Variants in NINL observed in about 807,000 individuals in gnomAD.
The protein encoded by NINL is ninein like.
In NINL, 153 loss-of-function variants were observed where a neutral mutation model predicts 160.3. The observed-to-expected ratio is 0.95, with a 90% CI of 0.84 to 1.09. The LOEUF (loss-of-function observed/expected upper bound fraction) is 1.09. NINL is among the 50% of genes least tolerant of loss of function. The probability of loss-of-function intolerance (pLI) is 0.00; values close to 1 mark genes in which losing one functional copy is unlikely to be tolerated. For synonymous variants in NINL, 800 were observed against 734.8 expected (o/e 1.09, Z -1.43); for missense variants, 1,829 against 1,764.0 (o/e 1.04, Z -0.66).
At chr20:25,564,805 T>TAAA (rs11411276) in intron 1 of NINL, among the ~76,000 whole-genome samples, 2 of 142,768 alleles carry the variant, frequency 1.4e-5, no homozygotes, top group Non-Finnish European at 1.5e-5. Context: ...TCCCCACAAT[T>TAAA]AAAAAAAAAA....
intron 10 of NINL, among the ~76,000 whole-genome samples, chr20:25,493,582 A>G (rs1226793364): frequency 1.3e-5 from 2 of 152,150 alleles, no homozygotes; most frequent in African/African-American, 4.8e-5. Context: ...GCGCTCCGGA[A>G]GGCAGGGAGC....
chr20:25,510,533 GAA>G (rs2064048607), intron 5 of NINL, 139 bp downstream of exon 5: 1 of 785,722 alleles, frequency 1.3e-6, no homozygotes. Flanking sequence ...GCAGGAGGAA[GAA>G]TCCAGCGGGA....
At chr20:25,456,291 T>TA in intron 22 of NINL, among the ~76,000 whole-genome samples, 1 of 141,846 alleles carries the variant, frequency 7.0e-6, no homozygotes, top group African/African-American at 2.6e-5. Flanking sequence ...TTCACAACTG[T>TA]AATCCTAGCA....
intron 15 of NINL, 88 bp downstream of exon 15, chr20:25,480,073 C>T: frequency 1.1e-6 from 1 of 909,204 alleles, no homozygotes; most frequent in Admixed American, 1.8e-5. Flanking sequence ...AGGGCAGACG[C>T]ATGTGGAAAT....
chr20:25,498,554 C>T (rs1039168773), intron 8 of NINL, among the ~76,000 whole-genome samples: 4 of 152,220 alleles, frequency 2.6e-5, no homozygotes, highest in Non-Finnish European at 5.9e-5. Context: ...CCTGGTCCTC[C>T]TGCCTCTGCC....
At chr20:25,575,120 T>A (rs1038752741) in intron 1 of NINL, among the ~76,000 whole-genome samples, 1 of 152,156 alleles carries the variant, frequency 6.6e-6, no homozygotes, top group Non-Finnish European at 1.5e-5. Context: ...GCTTTTTAAC[T>A]TGTTATTCTG....
intron 1 of NINL, among the ~76,000 whole-genome samples, chr20:25,531,505 AT>A (rs1386670056): frequency 6.6e-6 from 1 of 152,224 alleles, no homozygotes; most frequent in Non-Finnish European, 1.5e-5. Flanking sequence ...GGCGTAAGAA[AT>A]TATAAAAGTA....
rs979396961 is a variant in NINL, at chr20:25,478,724, A to G, written c.2201+199T>C. The G allele has an allele frequency of 1.1e-5, 6 of 556,744 alleles. No individual in the cohort carries two copies. The African/African-American group carries it at 1.1e-4, about 10-fold the overall frequency. The allele number at this position is 556,744 out of a possible 1,614,324, so 34.5% of individuals were successfully genotyped here. On this transcript the variant is annotated intron_variant, in intron 16 of 23. Transcript: ENST00000278886. Reference sequence around the variant, plus strand: ...TACACAGTGAACAGCTTCATGGCCCATGATCCAATGTATATTTTAAATTCA... The same window carrying G: ...TACACAGTGAACAGCTTCATGGCCCGTGATCCAATGTATATTTTAAATTCA...
At chr20:25,565,006 G>A (rs2064984378) in intron 1 of NINL, among the ~76,000 whole-genome samples, 1 of 152,116 alleles carries the variant, frequency 6.6e-6, no homozygotes, top group African/African-American at 2.4e-5. Flanking sequence ...TTATAGACAA[G>A]TATAAGAGAA....
intron 5 of NINL, among the ~76,000 whole-genome samples, chr20:25,507,918 A>C (rs1468885233): frequency 2.0e-5 from 3 of 152,212 alleles, no homozygotes; most frequent in Admixed American, 6.5e-5. Context: ...GTGTGTGTGC[A>C]CTACCGTCTG....
At chr20:25,505,339 G>A (rs534443393) in intron 5 of NINL, among the ~76,000 whole-genome samples, 1 of 149,452 alleles carries the variant, frequency 6.7e-6, no homozygotes, top group Non-Finnish European at 1.5e-5. Flanking sequence ...TGCTGGTTGG[G>A]GGGGGGTCAC....
Position 25,490,116 on chromosome 20 carries a change from C to G in NINL, c.1486-131G>C, listed in dbSNP as rs496133. Reference sequence around the variant, plus strand: ...GAACCCCCACCCACCGCAGGCGAGGCACCTGGTGCTGTGCAGGCGGCTGTG... The same window carrying G: ...GAACCCCCACCCACCGCAGGCGAGGGACCTGGTGCTGTGCAGGCGGCTGTG... On this transcript the variant is annotated intron_variant, in intron 11 of 23. Transcript: ENST00000278886. 430 of 816,860 alleles carry G rather than the reference C, an allele frequency of 5.3e-4. No individual in the cohort carries two copies. In the African/African-American group the frequency reaches 5.6e-3, roughly 11 times the overall value. The allele number at this position is 816,860 out of a possible 1,614,324, so 50.6% of individuals were successfully genotyped here.
In NINL at chr20:25,458,445, C is replaced by A. The variant is rs115453505; in HGVS notation, c.3781G>T (p.Glu1261Ter). 2 of 1,605,550 alleles carry A rather than the reference C, an allele frequency of 1.2e-6. No individual in the cohort carries two copies. The highest frequency in any genetic ancestry group is 2.2e-5 in the South Asian group (2 of 91,002). ...TGAAGGCTGAGCAGGCGATGCAGCT[C>A]GGCCACACGGTCCTGGGGCACCAGC... ...VRLVPQDRVA[E>*]LHRLLSLQGE... is the part of the protein sequence containing the mutation. Residue 1261 changes from glutamate (E) to a stop codon, truncating the protein, a stop_gained, in exon 22 of 24, where the codon GAG (glutamate) becomes TAG (stop). Transcript: ENST00000278886. LOFTEE classifies it high-confidence loss of function.
intron 5 of NINL, chr20:25,509,601 C>A: frequency 2.2e-6 from 1 of 452,460 alleles, no homozygotes; most frequent in Non-Finnish European, 4.4e-6. Flanking sequence ...AGCCAGGCTG[C>A]CAGCTTCACA....
chr20:25,477,106 G>C lies in NINL; in HGVS notation c.2202-17C>G, dbSNP rs779342528. 56 of 1,575,824 alleles carry C rather than the reference G, an allele frequency of 3.6e-5. No individual in the cohort carries two copies. The highest frequency in any genetic ancestry group is 4.4e-5 in the Non-Finnish European group (52 of 1,168,732). On this transcript the variant is annotated splice_polypyrimidine_tract_variant and intron_variant, in intron 16 of 23. Coordinates refer to ENST00000278886, the MANE Select transcript of NINL (RefSeq NM_025176.6). The stretch of plus-strand genomic sequence containing the variant: ...GCCTCTCTCCTGTGGAAGTAGAACC[G>C]TCACACACCACAGCCCTGCCGCCCC...
Position 25,481,948 on chromosome 20 carries a change from T to A in NINL, c.1810+20A>T. 1.3e-6 allele frequency: 2 copies of A among 1,592,672 alleles called. No individual in the cohort carries two copies. The highest frequency in any genetic ancestry group is 8.5e-7 in the Non-Finnish European group (1 of 1,175,318). ...AACAGCAGGCCTTGGGTCAGCCCCCTCCCAGGGACGGGCTCCTACCTGCTG... is the reference window on the plus strand; with the variant it reads ...AACAGCAGGCCTTGGGTCAGCCCCCACCCAGGGACGGGCTCCTACCTGCTG... On this transcript the variant is annotated intron_variant, in intron 14 of 23. Transcript: ENST00000278886.
At chr20:25,545,023 G>A (rs557187707) in intron 1 of NINL, among the ~76,000 whole-genome samples, 3 of 152,308 alleles carry the variant, frequency 2.0e-5, no homozygotes, top group Non-Finnish European at 2.9e-5. Context: ...CAACCCTCAG[G>A]GCCTATTAAG....
In NINL at chr20:25,474,936, C is replaced by T. The variant is rs150170694; in HGVS notation, c.3248+1107G>A. Reference sequence around the variant, plus strand: ...CCGAGTAGCTGGGATTACAGGCGCACGCCACCACACTAATTTTTGTATTTT... The same window carrying T: ...CCGAGTAGCTGGGATTACAGGCGCATGCCACCACACTAATTTTTGTATTTT... On this transcript the variant is annotated intron_variant, in intron 17 of 23. Coordinates refer to ENST00000278886, the MANE Select transcript of NINL (RefSeq NM_025176.6). Among the ~76,000 whole-genome samples, 212 of 151,776 alleles carry T rather than the reference C, an allele frequency of 1.4e-3. 1 individual carries two copies. Among genetic ancestry groups the T allele is most frequent in the African/African-American group, 4.1e-3 (169 of 41,402 alleles).
At chr20:25,477,608 A>G (rs1035973909) in intron 16 of NINL, among the ~76,000 whole-genome samples, 2 of 152,244 alleles carry the variant, frequency 1.3e-5, no homozygotes, top group Non-Finnish European at 2.9e-5. Context: ...CCACAGCACC[A>G]GAAGGGGTAT....
Sources: gnomAD v4.1 joint callset for allele counts (sites outside exome capture counted in the v4.1 genomes callset) on GRCh38, gnomAD v4.1.1 for gene constraint, MANE v1.5 for transcripts, NCBI Gene and HGNC (gene_info 2026-07-23, HGNC 2026-07-21) for gene names.